Variants in RERE observed in about 807,000 individuals in gnomAD.
RERE encodes the protein arginine-glutamic acid dipeptide repeats, also known as arginine-glutamic acid dipeptide repeats protein.
In RERE, 40 loss-of-function variants were observed where a neutral mutation model predicts 146.1. The observed-to-expected ratio is 0.27, with a 90% CI of 0.21 to 0.36. The LOEUF (loss-of-function observed/expected upper bound fraction) is 0.36. RERE is among the 10% of genes least tolerant of loss of function. The pLI is 1.00. For missense variants in RERE, 1,933 were observed against 2,138.7 expected (o/e 0.90, Z 1.90); for synonymous variants, 1,003 against 866.0 (o/e 1.16, Z -2.78).
intron 3 of RERE, among the ~76,000 whole-genome samples, chr1:8,619,431 A>G (rs1464206794): frequency 6.6e-6 from 1 of 152,226 alleles, no homozygotes; most frequent in Non-Finnish European, 1.5e-5. Context: ...TACATATACT[A>G]CCTAGAAACT....
intron 11 of RERE, among the ~76,000 whole-genome samples, chr1:8,453,606 G>A (rs1644414357): frequency 6.6e-6 from 1 of 152,140 alleles, no homozygotes; most frequent in African/African-American, 2.4e-5. Context: ...AGGAGTTCAA[G>A]ACCAGCCTGG....
intron 1 of RERE, among the ~76,000 whole-genome samples, chr1:8,695,817 T>G (rs1172150548): frequency 6.6e-6 from 1 of 151,782 alleles, no homozygotes; most frequent in Admixed American, 6.6e-5. Flanking sequence ...CAGAAAATAT[T>G]TAAATATCAT....
chr1:8,797,062 T>C (rs141528280), intron 1 of RERE, among the ~76,000 whole-genome samples: 36 of 151,512 alleles, frequency 2.4e-4, no homozygotes, highest in African/African-American at 8.7e-4. Flanking sequence ...AAGACAGAAC[T>C]AGTTTCCTCA....
At chr1:8,441,824 T>A (rs1644252704) in intron 11 of RERE, among the ~76,000 whole-genome samples, 1 of 152,128 alleles carries the variant, frequency 6.6e-6, no homozygotes, top group Non-Finnish European at 1.5e-5. Context: ...ACATTTACAT[T>A]ATTTCGTTGT....
At chr1:8,560,844 T>C (rs1379955864) in intron 4 of RERE, among the ~76,000 whole-genome samples, 2 of 152,192 alleles carry the variant, frequency 1.3e-5, no homozygotes, top group Non-Finnish European at 2.9e-5. Context: ...AATACATGCT[T>C]CAGTGCTCAC....
In RERE at chr1:8,490,144, CGAGGTCAA is replaced by C. The variant is rs553312999; in HGVS notation, c.1104+4911_1104+4918del. ...TTGGGAGGCCAAGGCGGGCGGATCA[CGAGGTCAA>C]GAGGTCAAGACCATCCTGGCCAACG... On this transcript the variant is annotated intron_variant, in intron 10 of 22. Transcript: ENST00000400908. 6.0e-4 allele frequency among the ~76,000 whole-genome samples: 91 copies of C among 151,620 alleles called. 1 individual carries two copies. The highest frequency in any genetic ancestry group is 1.0e-3 in the South Asian group (5 of 4,800).
At chr1:8,486,205 A>AC (rs113429263) in intron 10 of RERE, among the ~76,000 whole-genome samples, 12,881 of 152,218 alleles carry the variant, frequency 0.085, 1,868 homozygotes, top group African/African-American at 0.29. Context: ...AACCACTGAC[A>AC]CTGCATAACA....
chr1:8,382,580 T>C (rs1642494501), intron 12 of RERE, among the ~76,000 whole-genome samples: 1 of 152,236 alleles, frequency 6.6e-6, no homozygotes, highest in South Asian at 2.1e-4. Flanking sequence ...AATTCTCCTA[T>C]GAACGGAACA....
chr1:8,465,750 G>A (rs759243003), intron 11 of RERE, 175 bp downstream of exon 11: 2 of 687,006 alleles, frequency 2.9e-6, no homozygotes, highest in African/African-American at 3.5e-5. Flanking sequence ...ATAAAATCAA[G>A]TCTTTCTGTA....
At chr1:8,537,779 T>C (rs1315657405) in intron 7 of RERE, among the ~76,000 whole-genome samples, 1 of 152,164 alleles carries the variant, frequency 6.6e-6, no homozygotes, top group African/African-American at 2.4e-5. Context: ...CATTATTAGT[T>C]CAATAAGTGG....
chr1:8,560,752 GC>G (rs1557687157), intron 4 of RERE, among the ~76,000 whole-genome samples: 4 of 152,204 alleles, frequency 2.6e-5, no homozygotes, highest in African/African-American at 9.7e-5. Flanking sequence ...GAAGAACTGT[GC>G]CGAGAAGTGT....
intron 12 of RERE, among the ~76,000 whole-genome samples, chr1:8,411,314 A>C (rs1040260360): frequency 6.9e-6 from 1 of 144,192 alleles, no homozygotes. Context: ...AAGGGCTTCA[A>C]GTCTTTTTTT....
chr1:8,674,001 C>G (rs1486632728), intron 1 of RERE, among the ~76,000 whole-genome samples: 1 of 152,064 alleles, frequency 6.6e-6, no homozygotes, highest in Non-Finnish European at 1.5e-5. Flanking sequence ...CCACTGCACT[C>G]CAGCCTGGGC....
At chr1:8,605,745 C>CAAAAAAAAAAAAAAAA (rs564574812) in intron 4 of RERE, among the ~76,000 whole-genome samples, 25 of 64,534 alleles carry the variant, frequency 3.9e-4, no homozygotes, top group African/African-American at 1.4e-3. Flanking sequence ...ACCCCATCTC[C>CAAAAAAAAAAAAAAAA]AAAAAAAAAA....
chr1:8,762,885 C>T (rs575606856), intron 1 of RERE, among the ~76,000 whole-genome samples: 1 of 152,214 alleles, frequency 6.6e-6, no homozygotes, highest in Non-Finnish European at 1.5e-5. Flanking sequence ...CCAGAATGAC[C>T]TGGGACCATG....
At chr1:8,568,774 G>C (rs1004821124) in intron 4 of RERE, among the ~76,000 whole-genome samples, 1 of 152,026 alleles carries the variant, frequency 6.6e-6, no homozygotes, top group African/African-American at 2.4e-5. Context: ...GCTATCATGG[G>C]ACTTAGCTTC....
chr1:8,751,053 C>T, intron 1 of RERE: 1 of 578,456 alleles, frequency 1.7e-6, no homozygotes, highest in South Asian at 2.0e-5. Context: ...TTCCTGTGGC[C>T]CTTCAAATTA....
At chr1:8,786,595 T>G (rs1000372622) in intron 1 of RERE, 2 of 768,698 alleles carry the variant, frequency 2.6e-6, no homozygotes, top group Middle Eastern at 2.3e-4. Context: ...GAAGATTTGA[T>G]AAAGGCGAAG....
chr1:8,568,472 GA>G (rs1185036723), intron 4 of RERE, among the ~76,000 whole-genome samples: 1 of 152,216 alleles, frequency 6.6e-6, no homozygotes, highest in Non-Finnish European at 1.5e-5. Context: ...AGGCCTTTAA[GA>G]GGTGATTAGA....
Sources: gnomAD v4.1 joint callset for allele counts (sites outside exome capture counted in the v4.1 genomes callset) on GRCh38, gnomAD v4.1.1 for gene constraint, MANE v1.5 for transcripts, NCBI Gene and HGNC (gene_info 2026-07-23, HGNC 2026-07-21) for gene names.